Variants in GALNS observed in about 807,000 individuals in gnomAD.
The protein encoded by GALNS is galactosamine (N-acetyl)-6-sulfatase, also known as N-acetylgalactosamine-6-sulfatase.
A neutral mutation model predicts 65.9 loss-of-function variants in GALNS; 65 were observed. That is an observed-to-expected ratio of 0.99 (90% CI 0.81 to 1.21). The LOEUF (loss-of-function observed/expected upper bound fraction) is 1.21. GALNS is among the 50% of genes most tolerant of loss of function. GALNS has a pLI of 0.00. For synonymous variants in GALNS, 346 were observed against 288.9 expected (o/e 1.20, Z -2.00); for missense variants, 776 against 700.7 (o/e 1.11, Z -1.21).
chr16:88,825,082 G>A (rs569210325), intron 10 of GALNS, among the ~76,000 whole-genome samples: 13 of 147,810 alleles, frequency 8.8e-5, no homozygotes, highest in Admixed American at 2.7e-4. Flanking sequence ...GGTGGCCAGG[G>A]CTGGGGTGAC....
intron 1 of GALNS, chr16:88,856,071 A>C (rs1967844846): frequency 1.5e-6 from 1 of 665,416 alleles, no homozygotes; most frequent in African/African-American, 1.8e-5. Context: ...AGGCAGGCTC[A>C]TTCCTGAGTC....
At chr16:88,851,681 T>C (rs1284569767) in intron 1 of GALNS, among the ~76,000 whole-genome samples, 1 of 152,198 alleles carries the variant, frequency 6.6e-6, no homozygotes, top group Non-Finnish European at 1.5e-5. Flanking sequence ...CCAACGGTCT[T>C]AGCTAACGAC....
At chr16:88,844,704 C>T (rs919614641) in intron 1 of GALNS, 1 of 152,250 alleles carries the variant, frequency 6.6e-6, no homozygotes, top group African/African-American at 2.4e-5. Flanking sequence ...TTCACAGGCC[C>T]AGCTGAATTC....
intron 9 of GALNS, among the ~76,000 whole-genome samples, chr16:88,830,363 G>T (rs1024055466): frequency 6.6e-6 from 1 of 152,124 alleles, no homozygotes; most frequent in Admixed American, 6.5e-5. Context: ...GAAAAGGCAG[G>T]GAACAGAACA....
At chr16:88,829,890 A>G (rs1911311108) in intron 9 of GALNS, among the ~76,000 whole-genome samples, 1 of 152,226 alleles carries the variant, frequency 6.6e-6, no homozygotes, top group East Asian at 1.9e-4. Flanking sequence ...CAGGGAGGCC[A>G]GCCTGGGTGA....
At position 88,840,985 on chromosome 16, in the gene GALNS, G is replaced by C. The variant is rs1966939712; in HGVS notation, c.422+7C>G. On this transcript the variant is annotated splice_region_variant and intron_variant, in intron 4 of 13. Transcript: ENST00000268695. ...GACGCCTGGGCAGGCGTGGCCAGGAGACTTACCACTTGCCGACAATCTTGC... is the reference window on the plus strand; with the variant it reads ...GACGCCTGGGCAGGCGTGGCCAGGACACTTACCACTTGCCGACAATCTTGC... The C allele has an allele frequency of 6.2e-7, 1 of 1,610,208 alleles. No homozygotes were observed. The highest frequency in any genetic ancestry group is 1.3e-5 in the African/African-American group (1 of 74,878).
intron 1 of GALNS, among the ~76,000 whole-genome samples, chr16:88,854,051 C>A (rs1186362800): frequency 1.3e-5 from 2 of 152,186 alleles, no homozygotes; most frequent in African/African-American, 4.8e-5. Context: ...GGGCCCAGGC[C>A]CCCCACTGCC....
intron 1 of GALNS, chr16:88,856,253 CTG>C (rs746742680): frequency 1.4e-6 from 1 of 703,066 alleles, no homozygotes; most frequent in South Asian, 1.5e-5. Flanking sequence ...TCAGGTAAGA[CTG>C]GAGCCCAGCG....
At chr16:88,845,422 G>A (rs1438310488) in intron 1 of GALNS, 1 of 150,330 alleles carries the variant, frequency 6.7e-6, no homozygotes, top group African/African-American at 2.5e-5. Context: ...GCCAACCTCT[G>A]TCTTAGTGAA....
intron 1 of GALNS, among the ~76,000 whole-genome samples, chr16:88,848,927 G>A (rs746678294): frequency 2.0e-5 from 3 of 152,194 alleles, no homozygotes; most frequent in Admixed American, 6.5e-5. Flanking sequence ...CCATTTCCCC[G>A]GTGGACGGCA....
chr16:88,821,529 T>C (rs1385568470), intron 12 of GALNS, among the ~76,000 whole-genome samples: 1 of 152,160 alleles, frequency 6.6e-6, no homozygotes, highest in African/African-American at 2.4e-5. Context: ...AGCTGGACGC[T>C]CGGTGGAGGA....
intron 10 of GALNS, among the ~76,000 whole-genome samples, chr16:88,825,484 C>T (rs542994319): frequency 5.2e-5 from 6 of 115,190 alleles, no homozygotes; most frequent in South Asian, 2.9e-4. Context: ...GGTGTCTGGG[C>T]GGCCGGGGCT....
chr16:88,841,989 A>G lies in GALNS; in HGVS notation c.245-18T>C. ...CGCCCTCGCTATGTGGAGGTGACAG[A>G]AACAGAAACTGGATAAGAAGGGTGT... On this transcript the variant is annotated intron_variant, in intron 2 of 13. Coordinates refer to ENST00000268695, the MANE Select transcript of GALNS (RefSeq NM_000512.5). 6.2e-7 allele frequency: 1 copy of G among 1,605,960 alleles called. No homozygotes were observed. The highest frequency in any genetic ancestry group is 8.5e-7 in the Non-Finnish European group (1 of 1,175,836).
At chr16:88,816,700 G>A in intron 13 of GALNS, 1 of 985,454 alleles carries the variant, frequency 1.0e-6, no homozygotes, top group Non-Finnish European at 1.2e-6. Context: ...GTGGCTCCCT[G>A]GCTGTTCAGA....
chr16:88,844,316 C>G (rs1001697841), intron 1 of GALNS: 1 of 152,140 alleles, frequency 6.6e-6, no homozygotes, highest in African/African-American at 2.4e-5. Context: ...TCACTGAAAA[C>G]TTCTTCAAAT....
intron 12 of GALNS, among the ~76,000 whole-genome samples, chr16:88,820,871 C>T (rs1285798664): frequency 6.6e-6 from 1 of 152,294 alleles, no homozygotes. Context: ...CCGGTGTGGC[C>T]AGCAGCTTGT....
At chr16:88,856,402 G>C in intron 1 of GALNS, 1 of 701,690 alleles carries the variant, frequency 1.4e-6, no homozygotes, top group Non-Finnish European at 2.6e-6. Context: ...TAGAGGGCGG[G>C]AAAGGTCAGA....
At chr16:88,849,207 C>A (rs142380830) in intron 1 of GALNS, among the ~76,000 whole-genome samples, 2 of 152,048 alleles carry the variant, frequency 1.3e-5, no homozygotes, top group Admixed American at 1.3e-4. Context: ...CTCTGCCTTC[C>A]GGGCTCAGGT....
intron 4 of GALNS, 174 bp from the exon 5 acceptor site, chr16:88,837,939 A>T: frequency 1.5e-6 from 1 of 663,914 alleles, no homozygotes. Flanking sequence ...TCACCCGAGG[A>T]GGGTGCTGGC....
Sources: allele counts gnomAD v4.1 joint callset (sites outside exome capture counted in the v4.1 genomes callset), GRCh38; gene constraint gnomAD v4.1.1; transcripts MANE v1.5; gene names NCBI Gene and HGNC (gene_info 2026-07-23, HGNC 2026-07-21).